XRCC1: variants seen among roughly 807,000 people sequenced by gnomAD.
XRCC1 encodes X-ray repair cross complementing 1, also known as DNA repair protein XRCC1.
A neutral mutation model predicts 83.3 loss-of-function variants in XRCC1; 52 were observed. The ratio of observed to expected loss-of-function variants is 0.62; its 90% CI spans 0.50 to 0.79. XRCC1 has a LOEUF of 0.79. Ranked by LOEUF, XRCC1 falls within the 30% of genes least tolerant of loss-of-function variation. The pLI, the probability that XRCC1 is intolerant of heterozygous loss-of-function variation, is 0.00. For missense variants in XRCC1, 793 were observed against 823.5 expected (o/e 0.96, Z 0.45); for synonymous variants, 281 against 312.6 (o/e 0.90, Z 1.07).
chr19:43,554,122 C>G (rs1372617808), intron 4 of XRCC1, among the ~76,000 whole-genome samples: 1 of 152,174 alleles, frequency 6.6e-6, no homozygotes, highest in Non-Finnish European at 1.5e-5. Flanking sequence ...ACAGGCTAAA[C>G]ACTCCCCAGG....
chr19:43,575,085 T>C, intron 1 of XRCC1, 83 bp from the exon 2 acceptor site: 1 of 1,135,746 alleles, frequency 8.8e-7, no homozygotes, highest in South Asian at 1.3e-5. Context: ...CTTTGAGTCC[T>C]CCCAAGGCCT....
At chr19:43,564,423 A>C (rs939461) in intron 2 of XRCC1, among the ~76,000 whole-genome samples, 15,620 of 152,104 alleles carry the variant, frequency 0.1, 959 homozygotes, top group Admixed American at 0.16. Flanking sequence ...TCGGATTCTC[A>C]CCATGTGCCA....
chr19:43,567,191 T>C (rs145861874), intron 2 of XRCC1, among the ~76,000 whole-genome samples: 222 of 152,236 alleles, frequency 1.5e-3, no homozygotes, highest in African/African-American at 5.3e-3. Context: ...GTTTAATGGT[T>C]ATGTGGTTTC....
intron 2 of XRCC1, among the ~76,000 whole-genome samples, chr19:43,568,251 CTT>C (rs1486528540): frequency 6.6e-6 from 1 of 151,980 alleles, no homozygotes; most frequent in Non-Finnish European, 1.5e-5. Context: ...AATCCCAACA[CTT>C]TGGGAGGCCA....
chr19:43,552,768 T>C, intron 8 of XRCC1, 29 bp downstream of exon 8: 1 of 1,562,376 alleles, frequency 6.4e-7, no homozygotes, highest in Non-Finnish European at 8.7e-7. Flanking sequence ...CACAGGCCCC[T>C]GTGGAAACAA....
At chr19:43,564,587 G>A (rs896162085) in intron 2 of XRCC1, among the ~76,000 whole-genome samples, 5 of 152,170 alleles carry the variant, frequency 3.3e-5, no homozygotes, top group African/African-American at 7.2e-5. Flanking sequence ...TAGGGAGTTC[G>A]AGACCAGCCT....
chr19:43,554,104 G>C (rs961667155), intron 4 of XRCC1, among the ~76,000 whole-genome samples: 2 of 152,164 alleles, frequency 1.3e-5, no homozygotes, highest in African/African-American at 4.8e-5. Context: ...ATAAGGAGAA[G>C]CCAGCTGACA....
intron 2 of XRCC1, among the ~76,000 whole-genome samples, chr19:43,562,743 C>CA (rs567584400): frequency 2.5e-4 from 38 of 150,866 alleles, no homozygotes; most frequent in African/African-American, 6.8e-4. Flanking sequence ...ACCTTGTCTT[C>CA]AAAAAAAAAC....
chr19:43,550,983 G>A (rs1294771502), intron 10 of XRCC1, among the ~76,000 whole-genome samples: 1 of 151,966 alleles, frequency 6.6e-6, no homozygotes, highest in African/African-American at 2.4e-5. Flanking sequence ...TTTGGTTTTT[G>A]GGTTTTTTTT....
chr19:43,566,751 C>T (rs1053821285), intron 2 of XRCC1, among the ~76,000 whole-genome samples: 9 of 151,298 alleles, frequency 5.9e-5, no homozygotes, highest in East Asian at 5.9e-4. Flanking sequence ...TGGTGGCATG[C>T]GCCTGTAGTC....
At chr19:43,563,254 A>G (rs757446646) in intron 2 of XRCC1, among the ~76,000 whole-genome samples, 8 of 152,212 alleles carry the variant, frequency 5.3e-5, no homozygotes, top group Non-Finnish European at 1.2e-4. Context: ...TGGGAGGCTG[A>G]GACAGGTGAA....
At chr19:43,562,862 T>G (rs534725001) in intron 2 of XRCC1, among the ~76,000 whole-genome samples, 13 of 152,342 alleles carry the variant, frequency 8.5e-5, no homozygotes, top group Admixed American at 3.3e-4. Flanking sequence ...AGACTCCTGC[T>G]AATAATACAT....
chr19:43,543,386 C>T lies in XRCC1; in HGVS notation c.*6G>A, dbSNP rs1568510077. 6.5e-7 allele frequency: 1 copy of T among 1,550,238 alleles called. No homozygotes were observed. The highest frequency in any genetic ancestry group is 1.5e-5 in the African/African-American group (1 of 65,938). ...TGTGTGTGTGTGTGTGTGTATAGCA[C>T]ATACTTCAGGCTTGCGGCACCACCC... On this transcript the variant is annotated 3_prime_UTR_variant, in exon 17 of 17. Transcript: ENST00000262887.
intron 3 of XRCC1, among the ~76,000 whole-genome samples, chr19:43,558,334 CA>C (rs11361655): frequency 0.63 from 94,366 of 149,180 alleles, 29,988 homozygotes; most frequent in East Asian, 0.89. Context: ...GACCTCGTTT[CA>C]AAAAAAAAAG....
At chr19:43,544,018 G>T in intron 15 of XRCC1, 126 bp downstream of exon 15, 1 of 953,072 alleles carries the variant, frequency 1.0e-6, no homozygotes, top group Non-Finnish European at 1.6e-6. Context: ...GTGCCCACCT[G>T]CTGGGCATGG....
intron 2 of XRCC1, 151 bp from the exon 3 acceptor site, chr19:43,561,171 C>T (rs1172891287): frequency 1.5e-6 from 1 of 677,156 alleles, no homozygotes; most frequent in East Asian, 2.6e-5. Flanking sequence ...CATGTGTCCC[C>T]TCCATGCAGC....
chr19:43,562,423 G>T (rs1025871472), intron 2 of XRCC1, among the ~76,000 whole-genome samples: 1 of 149,414 alleles, frequency 6.7e-6, no homozygotes, highest in African/African-American at 2.5e-5. Flanking sequence ...TTCCTCACAT[G>T]CAAAAAGGGA....
At chr19:43,560,448 G>A (rs766223146) in intron 3 of XRCC1, among the ~76,000 whole-genome samples, 18 of 152,050 alleles carry the variant, frequency 1.2e-4, no homozygotes, top group Non-Finnish European at 1.8e-4. Context: ...AGTCAGAGTT[G>A]GAGAAGTAAC....
rs368767486 is a variant in XRCC1 at position 43,553,076 on chromosome 19, G to A, written c.617C>T (p.Pro206Leu). The change falls in exon 7 of 17, where the codon CCA (proline) becomes CTA (leucine). Residue 206 changes from proline (P) to leucine (L), a missense_variant. Pro to Leu is a moderately conservative substitution (Grantham distance 98). Transcript: ENST00000262887. Reference protein sequence around the residue: ...NKTSPVTASDPAGPSYAAATL... With the variant: ...NKTSPVTASDLAGPSYAAATL... ...AGCAGCTGCATAGCTAGGTCCTGCT[G>A]GGTCGCTGGCTGTGACTATGAAGGG... 7.6e-6 allele frequency: 12 copies of A among 1,574,824 alleles called. No individual in the cohort carries two copies. The highest frequency in any genetic ancestry group is 2.0e-4 in the Middle Eastern group (1 of 4,944).
Sources: allele counts gnomAD v4.1 joint callset (sites outside exome capture counted in the v4.1 genomes callset), GRCh38; gene constraint gnomAD v4.1.1; transcripts MANE v1.5; gene names NCBI Gene and HGNC (gene_info 2026-07-23, HGNC 2026-07-21).